The following CLTA variants were observed in gnomAD, a reference collection of about 807,000 sequenced individuals.
The protein encoded by CLTA is clathrin light chain A.
Under a neutral mutation model 26.9 loss-of-function variants are expected in CLTA, and 9 were observed. The ratio of observed to expected loss-of-function variants is 0.33; its 90% CI spans 0.20 to 0.58. CLTA has a LOEUF of 0.58. Among genes scored for constraint, CLTA ranks in the 20% least tolerant of loss-of-function variants. CLTA has a pLI of 0.85. For missense variants in CLTA, 278 were observed against 294.2 expected (o/e 0.94, Z 0.40); for synonymous variants, 120 against 115.5 (o/e 1.04, Z -0.25).
rs1406500523 is a variant in CLTA at position 36,197,592 on chromosome 9, C to G, written c.255+4C>G. 2 of 1,599,094 alleles carry G rather than the reference C, an allele frequency of 1.3e-6. No homozygotes were observed. Among genetic ancestry groups the G allele is most frequent in the Non-Finnish European group, 1.7e-6 (2 of 1,168,090 alleles). The stretch of plus-strand genomic sequence containing the variant: ...AATGAATGGTGAATACTACCAGGTA[C>G]AGAGTACTCTGATTCTGTTCATTGA... On this transcript the variant is annotated splice_donor_region_variant and intron_variant, in intron 2 of 4. Transcript: ENST00000345519.
chr9:36,211,786 G>A lies in CLTA; in HGVS notation c.*12G>A. 1 of 1,592,250 alleles carries A rather than the reference G, an allele frequency of 6.3e-7. No homozygotes were observed. Among genetic ancestry groups the A allele is most frequent in the Non-Finnish European group, 8.6e-7 (1 of 1,162,912 alleles). On this transcript the variant is annotated 3_prime_UTR_variant, in exon 5 of 5. Transcript: ENST00000345519. ...CGCTGGTGCACTGAAGAGCCACCCT[G>A]TGGAAACACTACATCTGCAATATCT...
chr9:36,211,572 A>G, intron 4 of CLTA, 31 bp from the exon 5 acceptor site: 1 of 1,589,252 alleles, frequency 6.3e-7, no homozygotes, highest in Non-Finnish European at 8.6e-7. Context: ...GGGGTTCTGC[A>G]TAAACCAACA....
chr9:36,190,924 C>G lies in CLTA; in HGVS notation c.-133C>G, dbSNP rs1261310017. 7.1e-7 allele frequency: 1 copy of G among 1,403,588 alleles called. No individual in the cohort carries two copies. The highest frequency in any genetic ancestry group is 1.5e-5 in the African/African-American group (1 of 66,580). 86.9% of individuals were successfully genotyped at this position (1,403,588 alleles called of 1,614,324 possible). A position where few individuals can be genotyped will look rare whatever the true frequency, so the allele number is the denominator to read the frequency against. On this transcript the variant is annotated 5_prime_UTR_variant, in exon 1 of 5. Coordinates refer to ENST00000345519, the MANE Select transcript of CLTA (RefSeq NM_001833.4). The stretch of plus-strand genomic sequence containing the variant: ...ACCGGATACACGGGTAGGGCTTCCG[C>G]TTTACCCGTCTCCCTCCTGGCGCTT...
rs572560504 is a variant in CLTA, at chr9:36,191,005, G to A, written c.-52G>A. 2.7e-6 allele frequency: 4 copies of A among 1,475,414 alleles called. No individual in the cohort carries two copies. The highest frequency in any genetic ancestry group is 2.5e-5 in the East Asian group (1 of 39,884). 91.4% of individuals were successfully genotyped at this position (1,475,414 alleles called of 1,614,324 possible). On this transcript the variant is annotated 5_prime_UTR_variant, in exon 1 of 5. Transcript: ENST00000345519. ...TGGCTGCCGGGCGTGGTGTCGGTGG[G>A]TCGGTTGGTTTTTGTCTCACCGTTG...
intron 1 of CLTA, among the ~76,000 whole-genome samples, chr9:36,195,315 G>A (rs1191740834): frequency 6.6e-6 from 1 of 152,178 alleles, no homozygotes; most frequent in African/African-American, 2.4e-5. Context: ...GTTGTTCCAA[G>A]TGTTAAATAC....
intron 1 of CLTA, among the ~76,000 whole-genome samples, chr9:36,191,510 G>C (rs902199274): frequency 6.6e-6 from 1 of 152,202 alleles, no homozygotes; most frequent in Non-Finnish European, 1.5e-5. Flanking sequence ...CAAGTGTAGG[G>C]TGGCAGGCTC....
At chr9:36,206,480 C>A (rs1827730246) in intron 4 of CLTA, among the ~76,000 whole-genome samples, 1 of 152,160 alleles carries the variant, frequency 6.6e-6, no homozygotes, top group African/African-American at 2.4e-5. Flanking sequence ...GCTGACTACT[C>A]CCCCTCTCCA....
At chr9:36,208,007 C>T (rs1827818252) in intron 4 of CLTA, among the ~76,000 whole-genome samples, 1 of 152,242 alleles carries the variant, frequency 6.6e-6, no homozygotes, top group East Asian at 1.9e-4. Flanking sequence ...CACAAAACAC[C>T]TCCTGTGTAT....
intron 1 of CLTA, among the ~76,000 whole-genome samples, chr9:36,194,685 CTTTTGAAAACTG>C (rs1302003413): frequency 6.6e-6 from 1 of 152,320 alleles, no homozygotes; most frequent in Admixed American, 6.5e-5. Context: ...CAGTCTTTCA[CTTTTGAAAACTG>C]GCCCTTTTTC....
At chr9:36,201,700 T>C (rs1162718969) in intron 3 of CLTA, among the ~76,000 whole-genome samples, 1 of 152,216 alleles carries the variant, frequency 6.6e-6, no homozygotes, top group Non-Finnish European at 1.5e-5. Flanking sequence ...AAGGGGGCCT[T>C]ACATTTTGAA....
intron 3 of CLTA, among the ~76,000 whole-genome samples, chr9:36,200,182 C>T (rs1827321401): frequency 6.6e-6 from 1 of 152,042 alleles, no homozygotes; most frequent in South Asian, 2.1e-4. Flanking sequence ...GTGGCCTTTT[C>T]TTTGTTTTTT....
chr9:36,191,277 A>C lies in CLTA; in HGVS notation c.217+4A>C, dbSNP rs1409776321. ...GGCGAGCCGCCGGGGGGTCCGGGTGAGAGTGCGGGCGCGTTTGGGGCGAGA... is the reference window on the plus strand; with the variant it reads ...GGCGAGCCGCCGGGGGGTCCGGGTGCGAGTGCGGGCGCGTTTGGGGCGAGA... On this transcript the variant is annotated splice_donor_region_variant and intron_variant, in intron 1 of 4. Coordinates refer to ENST00000345519, the MANE Select transcript of CLTA (RefSeq NM_001833.4). 2 of 1,514,114 alleles carry C rather than the reference A, an allele frequency of 1.3e-6. No individual in the cohort carries two copies. Among genetic ancestry groups the C allele is most frequent in the Admixed American group, 2.2e-5 (1 of 45,634 alleles). The allele number at this position is 1,514,114 out of a possible 1,614,324, so 93.8% of individuals were successfully genotyped here. A position where few individuals can be genotyped will look rare whatever the true frequency, so the allele number is the denominator to read the frequency against.
At chr9:36,202,784 G>C (rs1827488901) in intron 3 of CLTA, among the ~76,000 whole-genome samples, 1 of 151,964 alleles carries the variant, frequency 6.6e-6, no homozygotes, top group South Asian at 2.1e-4. Flanking sequence ...TTAACTTCAA[G>C]TGTCAGCTGC....
At chr9:36,197,481 C>A in intron 1 of CLTA, 70 bp from the exon 2 acceptor site, 1 of 1,045,708 alleles carries the variant, frequency 9.6e-7, no homozygotes, top group South Asian at 1.3e-5. Flanking sequence ...ATGCTGTATT[C>A]TACTGTACAA....
At chr9:36,198,781 G>A (rs1471608151) in intron 2 of CLTA, among the ~76,000 whole-genome samples, 198 bp from the exon 3 acceptor site, 5 of 150,552 alleles carry the variant, frequency 3.3e-5, no homozygotes, top group African/African-American at 1.2e-4. Flanking sequence ...GCTGAGGCAG[G>A]AGAATTGCTT....
At position 36,199,024 on chromosome 9, in the gene CLTA, G is replaced by A. The variant is rs1246780539; in HGVS notation, c.301G>A (p.Asp101Asn). The A allele has an allele frequency of 6.2e-7, 1 of 1,614,042 alleles. No homozygotes were observed. The highest frequency in any genetic ancestry group is 2.2e-5 in the East Asian group (1 of 44,878). Residue 101 changes from aspartate (D) to asparagine (N), a missense_variant, in exon 3 of 5, where the codon GAT (aspartate) becomes AAT (asparagine). Transcript: ENST00000345519. ...TDSYAAISQV[D>N]RLQSEPESIR... ...CAGTTATGCAGCTATTTCACAAGTG[G>A]ATCGATTGCAGTCAGAGCCTGAAAG...
At chr9:36,201,999 T>C (rs1827443700) in intron 3 of CLTA, among the ~76,000 whole-genome samples, 1 of 151,776 alleles carries the variant, frequency 6.6e-6, no homozygotes, top group African/African-American at 2.4e-5. Context: ...TGGTCCCAGC[T>C]GCTTAGGAGA....
At chr9:36,211,501 T>C in intron 4 of CLTA, 102 bp from the exon 5 acceptor site, 1 of 1,450,800 alleles carries the variant, frequency 6.9e-7, no homozygotes, top group Non-Finnish European at 9.3e-7. Flanking sequence ...CAGAATGTCA[T>C]TAAGAAAGGG....
chr9:36,205,518 G>T (rs1827665667), intron 4 of CLTA, among the ~76,000 whole-genome samples: 1 of 152,136 alleles, frequency 6.6e-6, no homozygotes, highest in Admixed American at 6.5e-5. Context: ...AACTCCCCCA[G>T]CCTGCGACCC....
Sources: allele counts gnomAD v4.1 joint callset (sites outside exome capture counted in the v4.1 genomes callset), GRCh38; gene constraint gnomAD v4.1.1; transcripts MANE v1.5; gene names NCBI Gene and HGNC (gene_info 2026-07-23, HGNC 2026-07-21).